PSPC1: variants seen among roughly 807,000 people sequenced by gnomAD.
PSPC1 encodes the protein paraspeckle protein 1.
Under a neutral mutation model 51.6 loss-of-function variants are expected in PSPC1, and 14 were observed. The ratio of observed to expected loss-of-function variants is 0.27; its 90% CI spans 0.18 to 0.42. The LOEUF (loss-of-function observed/expected upper bound fraction) is 0.42, where lower values mean the gene tolerates loss of function less well. PSPC1 is among the 10% of genes least tolerant of loss of function. The probability of loss-of-function intolerance (pLI) is 1.00; values close to 1 mark genes in which losing one functional copy is unlikely to be tolerated. For synonymous variants in PSPC1, 193 were observed against 231.9 expected, an observed-to-expected ratio of 0.83 and a Z score of 1.53; for missense variants, 406 against 701.1, an observed-to-expected ratio of 0.58 and a Z score of 4.75.
chr13:19,677,880 T>A, intron 6 of PSPC1: 1 of 458,038 alleles, frequency 2.2e-6, no homozygotes, highest in Admixed American at 2.4e-5. Flanking sequence ...CAATAAACAA[T>A]GAGAAAAATC....
chr13:19,722,925 C>A (rs1882948770), intron 6 of PSPC1, among the ~76,000 whole-genome samples: 1 of 152,150 alleles, frequency 6.6e-6, no homozygotes. Flanking sequence ...GCCTGGCCAA[C>A]ATGGTGAAAC....
chr13:19,757,127 C>T (rs1887159554), intron 3 of PSPC1, among the ~76,000 whole-genome samples: 2 of 61,702 alleles, frequency 3.2e-5, no homozygotes, highest in South Asian at 2.2e-3. Context: ...GAGACTCCGT[C>T]TCAAAAAAAA....
At chr13:19,728,665 T>A (rs1189413898) in intron 6 of PSPC1, among the ~76,000 whole-genome samples, 1 of 152,186 alleles carries the variant, frequency 6.6e-6, no homozygotes, top group Non-Finnish European at 1.5e-5. Context: ...TGCTTAAGTT[T>A]GCAGTAGTAA....
intron 6 of PSPC1, among the ~76,000 whole-genome samples, chr13:19,679,418 C>G (rs1444626079): frequency 6.6e-6 from 1 of 152,116 alleles, no homozygotes; most frequent in African/African-American, 2.4e-5. Context: ...ATCGTTTGAG[C>G]CCACGATGTG....
At chr13:19,715,225 A>C (rs1241172614) in intron 6 of PSPC1, among the ~76,000 whole-genome samples, 1 of 152,224 alleles carries the variant, frequency 6.6e-6, no homozygotes, top group Non-Finnish European at 1.5e-5. Flanking sequence ...AAATTAAAGA[A>C]ATATGGAAGC....
chr13:19,688,011 G>A (rs532845376), intron 6 of PSPC1, among the ~76,000 whole-genome samples: 1 of 151,804 alleles, frequency 6.6e-6, no homozygotes, highest in East Asian at 1.9e-4. Context: ...TCTACTCCCC[G>A]AAACAGATAT....
chr13:19,771,856 G>C (rs1307018083), intron 2 of PSPC1, among the ~76,000 whole-genome samples: 2 of 152,076 alleles, frequency 1.3e-5, no homozygotes, highest in African/African-American at 4.8e-5. Flanking sequence ...CTCCTGACCT[G>C]AGGTGATCCG....
intron 6 of PSPC1, among the ~76,000 whole-genome samples, chr13:19,718,149 G>C (rs375552257): frequency 2.0e-5 from 3 of 152,048 alleles, no homozygotes; most frequent in African/African-American, 7.2e-5. Flanking sequence ...GTGAATGCTT[G>C]GAAAACTTAA....
At position 19,782,846 on chromosome 13, in the gene PSPC1, T is replaced by G. The variant is rs1395133457; in HGVS notation, c.-89A>C. On this transcript the variant is annotated 5_prime_UTR_variant, in exon 1 of 9. Coordinates refer to ENST00000338910, the MANE Select transcript of PSPC1 (RefSeq NM_001354909.2). The surrounding 1 kb of genome is among the most constrained non-coding windows in gnomAD (Gnocchi z 4.5). Reference sequence around the variant, plus strand: ...ATGTATACGTCTCTACATAAACCTATGCCAACAAAATATCGACAATCAAGA... The same window carrying G: ...ATGTATACGTCTCTACATAAACCTAGGCCAACAAAATATCGACAATCAAGA... 7.5e-7 allele frequency: 1 copy of G among 1,341,098 alleles called. No homozygotes were observed. The highest frequency in any genetic ancestry group is 9.6e-7 in the Non-Finnish European group (1 of 1,042,614). 83.1% of individuals were successfully genotyped at this position (1,341,098 alleles called of 1,614,324 possible). A position where few individuals can be genotyped will look rare whatever the true frequency, so the allele number is the denominator to read the frequency against.
At chr13:19,731,680 C>G (rs1299329733) in intron 5 of PSPC1, among the ~76,000 whole-genome samples, 1 of 152,172 alleles carries the variant, frequency 6.6e-6, no homozygotes, top group East Asian at 1.9e-4. Context: ...TCCCAAAGTG[C>G]TGGGATTACA....
intron 6 of PSPC1, among the ~76,000 whole-genome samples, chr13:19,715,219 T>A (rs891110424): frequency 1.3e-5 from 2 of 152,164 alleles, no homozygotes; most frequent in East Asian, 3.8e-4. Context: ...TATGGAAAAT[T>A]AAAGAAATAT....
At chr13:19,702,161 C>G (rs1879984918), downstream of PSPC1, among the ~76,000 whole-genome samples, 1 of 152,144 alleles carries the variant, frequency 6.6e-6, no homozygotes, top group African/African-American at 2.4e-5. Context: ...AAAACCACTG[C>G]CATTCCTTGG....
chr13:19,762,576 C>CACA (rs913629981), intron 2 of PSPC1, among the ~76,000 whole-genome samples: 1 of 151,910 alleles, frequency 6.6e-6, no homozygotes, highest in Non-Finnish European at 1.5e-5. Context: ...AAAGATCAAT[C>CACA]ACAACCACAT....
At chr13:19,747,050 G>T (rs1886069762) in intron 4 of PSPC1, among the ~76,000 whole-genome samples, 1 of 152,170 alleles carries the variant, frequency 6.6e-6, no homozygotes, top group Non-Finnish European at 1.5e-5. Flanking sequence ...GGAGGTTGCA[G>T]TATGCCGAGA....
At chr13:19,766,854 C>T (rs1367207314) in intron 2 of PSPC1, among the ~76,000 whole-genome samples, 4 of 146,714 alleles carry the variant, frequency 2.7e-5, no homozygotes, top group Non-Finnish European at 4.5e-5. Flanking sequence ...GACATTGCCT[C>T]GAGGAAAAAA....
chr13:19,734,160 C>T (rs572016028), intron 5 of PSPC1, among the ~76,000 whole-genome samples: 2 of 152,182 alleles, frequency 1.3e-5, no homozygotes, highest in East Asian at 1.9e-4. Flanking sequence ...TCCACAAATG[C>T]TTTAATGACC....
chr13:19,763,813 C>G (rs1238293753), intron 2 of PSPC1, among the ~76,000 whole-genome samples: 1 of 152,016 alleles, frequency 6.6e-6, no homozygotes, highest in Admixed American at 6.6e-5. Context: ...CCAGCCTGGC[C>G]AACATGGTAA....
At chr13:19,745,555 CTCTT>C (rs1421412814) in intron 4 of PSPC1, among the ~76,000 whole-genome samples, 6 of 151,970 alleles carry the variant, frequency 3.9e-5, no homozygotes, top group South Asian at 4.2e-4. Flanking sequence ...AAATACTAGT[CTCTT>C]TATTTTTCTT....
chr13:19,755,515 G>T (rs1886981701), intron 3 of PSPC1, among the ~76,000 whole-genome samples: 1 of 151,752 alleles, frequency 6.6e-6, no homozygotes, highest in Non-Finnish European at 1.5e-5. Flanking sequence ...TTGAACCTGG[G>T]AGGCGGAGGT....
Sources: gnomAD v4.1 joint callset for allele counts (sites outside exome capture counted in the v4.1 genomes callset) on GRCh38, gnomAD v4.1.1 for gene constraint, Gnocchi (gnomAD v3.1) non-coding constraint, MANE v1.5 for transcripts, NCBI Gene and HGNC (gene_info 2026-07-23, HGNC 2026-07-21) for gene names.